Variants in CCDC134 observed in about 807,000 individuals in gnomAD.
The protein encoded by CCDC134 is coiled-coil domain containing 134.
In CCDC134, 27 loss-of-function variants were observed where a neutral mutation model predicts 25.6. The ratio of observed to expected loss-of-function variants is 1.05; its 90% CI spans 0.78 to 1.45. CCDC134 has a LOEUF of 1.45. Ranked by LOEUF, CCDC134 falls within the 40% of genes most tolerant of loss-of-function variation. The probability of loss-of-function intolerance (pLI) is 0.00; values close to 1 mark genes in which losing one functional copy is unlikely to be tolerated. For synonymous variants in CCDC134, 110 were observed against 115.0 expected, an observed-to-expected ratio of 0.96 and a Z score of 0.28; for missense variants, 261 against 286.7, an observed-to-expected ratio of 0.91 and a Z score of 0.65.
In CCDC134 at chr22:41,825,934, G is replaced by A; in HGVS notation, c.*111G>A. The stretch of plus-strand genomic sequence containing the variant: ...CCAGCTAGCCCCTTCCAGAAGGGGA[G>A]GCCACATTTGCCCGGCCCCCTGGAG... On this transcript the variant is annotated 3_prime_UTR_variant, in exon 7 of 7. Coordinates refer to ENST00000255784, the MANE Select transcript of CCDC134 (RefSeq NM_024821.5). The surrounding 1 kb of genome is among the most constrained non-coding windows in gnomAD (Gnocchi z 4.4). The A allele has an allele frequency of 2.1e-6, 3 of 1,454,470 alleles. No individual in the cohort carries two copies. Among genetic ancestry groups the A allele is most frequent in the Non-Finnish European group, 1.9e-6 (2 of 1,069,796 alleles). 90.1% of individuals were successfully genotyped at this position (1,454,470 alleles called of 1,614,324 possible).
chr22:41,813,347 C>T lies in CCDC134; in HGVS notation c.394C>T (p.His132Tyr). ...GAGGATTGTGCACTATTACTTTGACCACAACTCCAACTGGAACCTCCTCAT... is the reference window on the plus strand; with the variant it reads ...GAGGATTGTGCACTATTACTTTGACTACAACTCCAACTGGAACCTCCTCAT... ...FPRIVHYYFD[H>Y]NSNWNLLIRW... The change falls in exon 5 of 7, where the codon CAC becomes TAC. Residue 132 changes from histidine to tyrosine, a missense_variant. By Grantham distance (83) the His-to-Tyr change is moderately conservative. Coordinates refer to ENST00000255784, the MANE Select transcript of CCDC134 (RefSeq NM_024821.5). The T allele has an allele frequency of 1.2e-6, 2 of 1,614,178 alleles. No individual in the cohort carries two copies. Among genetic ancestry groups the T allele is most frequent in the Non-Finnish European group, 8.5e-7 (1 of 1,180,034 alleles).
Position 41,813,279 on chromosome 22 carries a change from TGGA to T in CCDC134, c.328_330del (p.Glu110del). The stretch of plus-strand genomic sequence containing the variant: ...CTCTCGCCAGCTTTCTCCCACGTGG[TGGA>T]GAACACGGCCTTCTTCGGCGATGTG... On this transcript the variant is annotated inframe_deletion, in exon 5 of 7. Transcript: ENST00000255784. 1 of 1,614,092 alleles carries T rather than the reference TGGA, an allele frequency of 6.2e-7. No individual in the cohort carries two copies. Among genetic ancestry groups the T allele is most frequent in the Non-Finnish European group, 8.5e-7 (1 of 1,180,008 alleles).
chr22:41,815,131 A>G (rs2076616291), intron 6 of CCDC134, among the ~76,000 whole-genome samples: 1 of 149,740 alleles, frequency 6.7e-6, no homozygotes, highest in Non-Finnish European at 1.5e-5. Flanking sequence ...GCCATGATGG[A>G]TTGCCACCCC....
intron 1 of CCDC134, among the ~76,000 whole-genome samples, chr22:41,807,732 AT>A (rs1363615555): frequency 1.3e-5 from 2 of 152,052 alleles, no homozygotes; most frequent in African/African-American, 4.8e-5. Context: ...TCAATAAATA[AT>A]TGTGTTGGCT....
chr22:41,813,527 T>C, intron 5 of CCDC134, 82 bp downstream of exon 5: 4 of 1,474,522 alleles, frequency 2.7e-6, no homozygotes, highest in Non-Finnish European at 3.7e-6. Flanking sequence ...CAGTTGGGCC[T>C]GAACGTCAGT....
intron 6 of CCDC134, among the ~76,000 whole-genome samples, chr22:41,823,074 ATCT>A (rs1315515706): frequency 4.6e-5 from 7 of 152,194 alleles, no homozygotes; most frequent in African/African-American, 1.7e-4. Context: ...GGCATAGTAA[ATCT>A]TCACCTAACA....
chr22:41,826,564 C>G lies in CCDC134; in HGVS notation c.*741C>G, dbSNP rs2076680301. 6.6e-6 allele frequency among the ~76,000 whole-genome samples: 1 copy of G among 152,234 alleles called. No homozygotes were observed. Among genetic ancestry groups the G allele is most frequent in the African/African-American group, 2.4e-5 (1 of 41,472 alleles). Reference sequence around the variant, plus strand: ...CAACATGATCCCTGTCCTCAGATGTCTGGGGACAGTCATTGAGCAAGCACA... The same window carrying G: ...CAACATGATCCCTGTCCTCAGATGTGTGGGGACAGTCATTGAGCAAGCACA... On this transcript the variant is annotated 3_prime_UTR_variant, in exon 7 of 7. Coordinates refer to ENST00000255784, the MANE Select transcript of CCDC134 (RefSeq NM_024821.5).
In CCDC134 at chr22:41,809,988, G is replaced by A. The variant is rs761394171; in HGVS notation, c.213G>A (p.Lys71=). Residue 71 remains lysine, a synonymous_variant, in exon 3 of 7, where the codon AAG becomes AAA. Transcript: ENST00000255784. ...QQYKILDVML[K]GLFKVLEDSR... ...ACAAGATCCTTGATGTCATGCTCAAGGGGCTCTTTAAGGTGTGTGCAGGCA... is the reference window on the plus strand; with the variant it reads ...ACAAGATCCTTGATGTCATGCTCAAAGGGCTCTTTAAGGTGTGTGCAGGCA... 6 of 1,614,034 alleles carry A rather than the reference G, an allele frequency of 3.7e-6. No individual in the cohort carries two copies. The highest frequency in any genetic ancestry group is 4.2e-6 in the Non-Finnish European group (5 of 1,180,020).
At chr22:41,815,204 C>CTTTTTTTTTT (rs869174312) in intron 6 of CCDC134, among the ~76,000 whole-genome samples, 68 of 122,072 alleles carry the variant, frequency 5.6e-4, no homozygotes, top group Non-Finnish European at 8.9e-4. Context: ...CTTTTCTTTT[C>CTTTTTTTTTT]TTTTTTTTTT....
At chr22:41,815,485 G>A (rs1028612348) in intron 6 of CCDC134, among the ~76,000 whole-genome samples, 6 of 152,188 alleles carry the variant, frequency 3.9e-5, no homozygotes, top group African/African-American at 1.2e-4. Flanking sequence ...GATTACAAGC[G>A]TGAGCCACCG....
At chr22:41,803,522 C>T (rs1046977006) in intron 1 of CCDC134, among the ~76,000 whole-genome samples, 3 of 152,178 alleles carry the variant, frequency 2.0e-5, no homozygotes, top group Non-Finnish European at 4.4e-5. Flanking sequence ...AATCCTGGCA[C>T]TTTGGGAGGC....
chr22:41,803,478 G>C (rs2076553672), intron 1 of CCDC134, among the ~76,000 whole-genome samples: 1 of 152,128 alleles, frequency 6.6e-6, no homozygotes, highest in Admixed American at 6.5e-5. Flanking sequence ...AGTTTAAAAA[G>C]AAAATAGGGC....
At chr22:41,807,754 G>A (rs1436652983) in intron 1 of CCDC134, among the ~76,000 whole-genome samples, 2 of 152,242 alleles carry the variant, frequency 1.3e-5, no homozygotes, top group African/African-American at 2.4e-5. Flanking sequence ...GGGCATAGTG[G>A]CTCACGCCTG....
chr22:41,820,170 G>A lies in CCDC134; in HGVS notation c.565-5528G>A, dbSNP rs541363229. ...ACCACCACGCCCGGCTAATTTTTTT[G>A]TATTTTTAATATAGACGGGGTTTCA... On this transcript the variant is annotated intron_variant, in intron 6 of 6. Transcript: ENST00000255784. Among the ~76,000 whole-genome samples, 257 of 149,864 alleles carry A rather than the reference G, an allele frequency of 1.7e-3. 2 individuals carry two copies. Among genetic ancestry groups the A allele is most frequent in the African/African-American group, 6.0e-3 (245 of 40,556 alleles).
At chr22:41,802,730 C>T (rs1276700816) in intron 1 of CCDC134, among the ~76,000 whole-genome samples, 9 of 151,912 alleles carry the variant, frequency 5.9e-5, no homozygotes, top group African/African-American at 1.7e-4. Flanking sequence ...CTGGCTAACA[C>T]GGTGAAACCC....
In CCDC134 at chr22:41,825,628, T is replaced by C. The variant is rs2076673147; in HGVS notation, c.565-70T>C. ...GAACCTTCCTATTCCCACACCCCGC[T>C]GGTGGCCTAGCTCAGAGCAGGCTCT... On this transcript the variant is annotated intron_variant, in intron 6 of 6. Transcript: ENST00000255784. This position sits in a 1 kb window ranked among gnomAD's most constrained non-coding sequence, Gnocchi z 4.4. 1.3e-6 allele frequency: 2 copies of C among 1,592,578 alleles called. No individual in the cohort carries two copies. Among genetic ancestry groups the C allele is most frequent in the African/African-American group, 2.7e-5 (2 of 74,150 alleles).
intron 1 of CCDC134, among the ~76,000 whole-genome samples, chr22:41,805,899 G>A (rs2076565291): frequency 6.6e-6 from 1 of 152,172 alleles, no homozygotes; most frequent in Admixed American, 6.5e-5. Context: ...ATGACAGAGT[G>A]AGACCCTGTC....
At chr22:41,804,540 T>C (rs2076559153) in intron 1 of CCDC134, among the ~76,000 whole-genome samples, 1 of 152,156 alleles carries the variant, frequency 6.6e-6, no homozygotes, top group African/African-American at 2.4e-5. Context: ...CTCTTTACAG[T>C]GATCACATAG....
In CCDC134 at chr22:41,801,674, T is replaced by C. The variant is rs2076544233; in HGVS notation, c.-17+908T>C. 2.0e-5 allele frequency among the ~76,000 whole-genome samples: 3 copies of C among 152,118 alleles called. No individual in the cohort carries two copies. In the South Asian group the frequency reaches 6.2e-4, roughly 32 times the overall value. The stretch of plus-strand genomic sequence containing the variant: ...ATTTTACAAGTTTATTGATCAACTC[T>C]TATCCCTACTAGAGACAAGTACCAT... On this transcript the variant is annotated intron_variant, in intron 1 of 6. Transcript: ENST00000255784.
Sources: allele counts gnomAD v4.1 joint callset (sites outside exome capture counted in the v4.1 genomes callset), GRCh38; gene constraint gnomAD v4.1.1; non-coding constraint Gnocchi (gnomAD v3.1); transcripts MANE v1.5; gene names NCBI Gene and HGNC (gene_info 2026-07-23, HGNC 2026-07-21).